SHC2: variants seen among roughly 807,000 people sequenced by gnomAD.
The protein encoded by SHC2 is SHC-transforming protein 2.
In SHC2, 62 loss-of-function variants were observed where a neutral mutation model predicts 60.6. The observed-to-expected ratio is 1.02, with a 90% CI of 0.83 to 1.26. The LOEUF (loss-of-function observed/expected upper bound fraction) is 1.26, where lower values mean the gene tolerates loss of function less well. Ranked by LOEUF, SHC2 falls within the 50% of genes most tolerant of loss-of-function variation. The pLI, the probability that SHC2 is intolerant of heterozygous loss-of-function variation, is 0.00. For missense variants in SHC2, 873 were observed against 822.2 expected (o/e 1.06, Z -0.76); for synonymous variants, 375 against 372.4 (o/e 1.01, Z -0.08).
chr19:428,242 C>A (rs767450887), intron 9 of SHC2, among the ~76,000 whole-genome samples: 1 of 152,176 alleles, frequency 6.6e-6, no homozygotes, highest in Non-Finnish European at 1.5e-5. Flanking sequence ...AGCCAAAGCT[C>A]GAAGTGCCCG....
At chr19:454,933 G>A (rs1568298657) in intron 1 of SHC2, among the ~76,000 whole-genome samples, 1 of 152,224 alleles carries the variant, frequency 6.6e-6, no homozygotes, top group Non-Finnish European at 1.5e-5. Context: ...TCCTTGGCCC[G>A]TGGCCGCATC....
chr19:458,489 G>A (rs1359186278), intron 1 of SHC2, among the ~76,000 whole-genome samples: 2 of 136,696 alleles, frequency 1.5e-5, no homozygotes, highest in East Asian at 2.2e-4. Context: ...TCCGGGGGAC[G>A]GGGAAGCAGG....
chr19:450,302 A>G (rs77744218), intron 1 of SHC2, among the ~76,000 whole-genome samples: 5,062 of 152,308 alleles, frequency 0.033, 282 homozygotes, highest in African/African-American at 0.11. Flanking sequence ...CCCATGACGC[A>G]AGAGAGTGGC....
At chr19:457,247 G>A (rs1975368120) in intron 1 of SHC2, among the ~76,000 whole-genome samples, 10 of 135,384 alleles carry the variant, frequency 7.4e-5, no homozygotes, top group Non-Finnish European at 1.3e-4. Context: ...CACCTGCTGT[G>A]CCCCGACTAG....
chr19:418,132 C>T (rs559786817), intron 12 of SHC2, among the ~76,000 whole-genome samples: 2 of 152,298 alleles, frequency 1.3e-5, no homozygotes, highest in Admixed American at 1.3e-4. Flanking sequence ...CCCCCGGGCC[C>T]CGCACCAAAA....
intron 1 of SHC2, among the ~76,000 whole-genome samples, chr19:444,851 G>T (rs545868656): frequency 6.6e-6 from 1 of 152,226 alleles, no homozygotes; most frequent in Non-Finnish European, 1.5e-5. Context: ...CACTGTGCAC[G>T]TGGTCTGTTA....
chr19:442,534 G>A (rs1395329473), intron 1 of SHC2, among the ~76,000 whole-genome samples: 2 of 64,608 alleles, frequency 3.1e-5, no homozygotes, highest in Non-Finnish European at 5.6e-5. Flanking sequence ...TGGGTGGATG[G>A]ATGGGTGGGT....
chr19:419,109 G>C (rs1974215130), intron 11 of SHC2, 53 bp from the exon 12 acceptor site: 1 of 1,523,148 alleles, frequency 6.6e-7, no homozygotes, highest in African/African-American at 1.4e-5. Flanking sequence ...TGGACCCGTG[G>C]AGTAGGATAT....
At chr19:442,152 G>C (rs2145729608) in intron 1 of SHC2, among the ~76,000 whole-genome samples, 1 of 152,324 alleles carries the variant, frequency 6.6e-6, no homozygotes, top group South Asian at 2.1e-4. Context: ...ACCTCCTGTT[G>C]AATGGATGCA....
At position 441,005 on chromosome 19, in the gene SHC2, C is replaced by A. The variant is rs1305119071; in HGVS notation, c.469-73G>T. 1 of 1,549,136 alleles carries A rather than the reference C, an allele frequency of 6.5e-7. No individual in the cohort carries two copies. The highest frequency in any genetic ancestry group is 8.9e-7 in the Non-Finnish European group (1 of 1,124,404). ...GAGCCACGTCCCTTTTCCCAGCAGC[C>A]CTTCGCCGCCTCCACCACCCCTGGG... On this transcript the variant is annotated intron_variant, in intron 1 of 12. Coordinates refer to ENST00000264554, the MANE Select transcript of SHC2 (RefSeq NM_012435.3). The surrounding 1 kb of genome is among the most constrained non-coding windows in gnomAD (Gnocchi z 4.9).
intron 1 of SHC2, among the ~76,000 whole-genome samples, chr19:443,914 GTGGATGGA>G (rs1203952277): frequency 1.4e-5 from 2 of 139,584 alleles, no homozygotes; most frequent in Non-Finnish European, 3.1e-5. Flanking sequence ...GGATGGGTGG[GTGGATGGA>G]TGGATGGATG....
chr19:434,672 C>T (rs1364282444), intron 8 of SHC2, 37 bp downstream of exon 8: 3 of 1,523,534 alleles, frequency 2.0e-6, no homozygotes, highest in Non-Finnish European at 2.6e-6. Flanking sequence ...GCAGCTGGGG[C>T]ATCCCTGTCC....
chr19:443,689 G>A (rs1974972946), intron 1 of SHC2, among the ~76,000 whole-genome samples: 1 of 149,470 alleles, frequency 6.7e-6, no homozygotes, highest in Non-Finnish European at 1.5e-5. Flanking sequence ...TGGATGGATG[G>A]GTGGGTGGAT....
chr19:442,855 A>G lies in SHC2; in HGVS notation c.469-1923T>C, dbSNP rs1046313153. Among the ~76,000 whole-genome samples the G allele has an allele frequency of 3.3e-3, 300 of 90,038 alleles. 3 individuals carry two copies. The highest frequency in any genetic ancestry group is 3.1e-3 in the Non-Finnish European group (144 of 47,102). The allele number at this position is 90,038 out of a possible 152,430, so 59.1% of individuals were successfully genotyped here. ...GGTGGATGGGTGGACGGGTGGACGG[A>G]TGGATGGGTGGGTGGATAGATGAGT... On this transcript the variant is annotated intron_variant, in intron 1 of 12. Coordinates refer to ENST00000264554, the MANE Select transcript of SHC2 (RefSeq NM_012435.3).
intron 8 of SHC2, 22 bp downstream of exon 8, chr19:434,686 TC>T: frequency 6.3e-6 from 10 of 1,586,868 alleles, no homozygotes; most frequent in South Asian, 2.2e-5. Context: ...CCTGTCCCCA[TC>T]CCCCCGAGGG....
At chr19:449,653 T>C (rs1383040675) in intron 1 of SHC2, among the ~76,000 whole-genome samples, 1 of 150,166 alleles carries the variant, frequency 6.7e-6, no homozygotes, top group East Asian at 2.0e-4. Flanking sequence ...ATTTATACAG[T>C]GGGAGCCTAA....
chr19:435,469 T>C (rs1974693693), intron 7 of SHC2, among the ~76,000 whole-genome samples: 1 of 152,216 alleles, frequency 6.6e-6, no homozygotes, highest in South Asian at 2.1e-4. Context: ...CACAAAGGGG[T>C]GAGTGTGAGC....
chr19:419,012 G>A lies in SHC2; in HGVS notation c.1665C>T (p.Ile555=), dbSNP rs201792728. Residue 555 remains isoleucine (I), a synonymous_variant, in exon 12 of 13, where the codon ATC becomes ATT. Coordinates refer to ENST00000264554, the MANE Select transcript of SHC2 (RefSeq NM_012435.3). ...GCTGCCCGTTCTGCAGGTGGTGGTC[G>A]ATCAGGTGGCTGATGCTCTCAAACA... The part of the protein sequence containing the change: ...DVLFESISHL[I]DHHLQNGQPI... 1.3e-4 allele frequency: 199 copies of A among 1,587,278 alleles called. No homozygotes were observed. The African/African-American group carries it at 1.7e-3, about 14-fold the overall frequency.
chr19:450,856 T>A (rs530682900), intron 1 of SHC2, among the ~76,000 whole-genome samples: 44 of 149,688 alleles, frequency 2.9e-4, no homozygotes, highest in Middle Eastern at 3.5e-3. Flanking sequence ...GGCTGTGCCG[T>A]ATTTCAGCGT....
Sources: allele counts gnomAD v4.1 joint callset (sites outside exome capture counted in the v4.1 genomes callset), GRCh38; gene constraint gnomAD v4.1.1; non-coding constraint Gnocchi (gnomAD v3.1); transcripts MANE v1.5; gene names NCBI Gene and HGNC (gene_info 2026-07-23, HGNC 2026-07-21).